SYT1: variants seen among roughly 807,000 people sequenced by gnomAD.
The protein encoded by SYT1 is synaptotagmin-1.
Under a neutral mutation model 44.8 loss-of-function variants are expected in SYT1, and 8 were observed. The ratio of observed to expected loss-of-function variants is 0.18; its 90% CI spans 0.10 to 0.32. The LOEUF (loss-of-function observed/expected upper bound fraction) is 0.32. SYT1 is among the 10% of genes least tolerant of loss of function. The pLI is 1.00. For missense variants in SYT1, 286 were observed against 509.3 expected (o/e 0.56, Z 4.22); for synonymous variants, 154 against 188.8 (o/e 0.82, Z 1.51).
At chr12:79,247,652 A>G (rs1355188917) in intron 4 of SYT1, among the ~76,000 whole-genome samples, 1 of 152,214 alleles carries the variant, frequency 6.6e-6, no homozygotes, top group Non-Finnish European at 1.5e-5. Context: ...ACATTTAATG[A>G]GTGCCTGCTG....
At chr12:79,234,069 C>T (rs1592880108) in intron 4 of SYT1, among the ~76,000 whole-genome samples, 1 of 152,198 alleles carries the variant, frequency 6.6e-6, no homozygotes, top group Admixed American at 6.6e-5. Flanking sequence ...ACTCAATTCT[C>T]TAATTCTCTT....
chr12:79,228,462 T>A (rs1027969289), intron 4 of SYT1, among the ~76,000 whole-genome samples: 2 of 152,176 alleles, frequency 1.3e-5, no homozygotes, highest in African/African-American at 4.8e-5. Context: ...ATTATCACTA[T>A]TGGCCTTCAT....
intron 1 of SYT1, among the ~76,000 whole-genome samples, chr12:78,941,922 A>G (rs988034188): frequency 6.6e-6 from 1 of 152,218 alleles, no homozygotes; most frequent in South Asian, 2.1e-4. Context: ...TTCAAGGACC[A>G]TCACTTTCCT....
intron 9 of SYT1, among the ~76,000 whole-genome samples, chr12:79,358,715 G>A (rs1883205429): frequency 6.6e-6 from 1 of 152,126 alleles, no homozygotes; most frequent in Non-Finnish European, 1.5e-5. Context: ...CAAGATGGGA[G>A]AGCAAGGATT....
intron 1 of SYT1, among the ~76,000 whole-genome samples, chr12:78,935,871 T>C (rs1025339827): frequency 6.6e-6 from 1 of 152,150 alleles, no homozygotes; most frequent in Non-Finnish European, 1.5e-5. Context: ...TACTTATCTG[T>C]AGCCACCTAA....
rs1236510265 is a variant in SYT1 at position 79,039,625 on chromosome 12, TA to T, written c.-83-7671del. On this transcript the variant is annotated intron_variant, in intron 2 of 10. Transcript: ENST00000261205. ...TATTTTTTATTTATTTTTATTTTTTTATTTTTTTTATTATACTTTAAGTTTT... is the reference window on the plus strand; with the variant it reads ...TATTTTTTATTTATTTTTATTTTTTTTTTTTTTTATTATACTTTAAGTTTT... Among the ~76,000 whole-genome samples, 32 of 151,654 alleles carry T rather than the reference TA, an allele frequency of 2.1e-4. 1 individual carries two copies. Among genetic ancestry groups the T allele is most frequent in the South Asian group, 4.1e-4 (2 of 4,822 alleles).
At chr12:79,341,175 G>GATC (rs1361036567) in intron 8 of SYT1, 1 of 152,106 alleles carries the variant, frequency 6.6e-6, no homozygotes, top group East Asian at 1.9e-4. Context: ...TTTTTAAGTG[G>GATC]ATCACTAATT....
intron 9 of SYT1, among the ~76,000 whole-genome samples, chr12:79,370,042 T>A (rs552601451): frequency 6.6e-6 from 1 of 152,338 alleles, no homozygotes; most frequent in East Asian, 1.9e-4. Flanking sequence ...TCAAAATGAT[T>A]TAATCTTAAA....
chr12:78,870,254 G>T (rs959476567), intron 1 of SYT1, among the ~76,000 whole-genome samples: 1 of 152,040 alleles, frequency 6.6e-6, no homozygotes, highest in Non-Finnish European at 1.5e-5. Flanking sequence ...ATTTAGCTAA[G>T]TGCCTCAGTT....
intron 9 of SYT1, among the ~76,000 whole-genome samples, chr12:79,421,688 C>G (rs1869126841): frequency 6.7e-6 from 1 of 149,920 alleles, no homozygotes; most frequent in African/African-American, 2.5e-5. Flanking sequence ...CAATGTGACA[C>G]TTTTTTTGTT....
At chr12:78,996,492 C>T (rs190423941) in intron 2 of SYT1, among the ~76,000 whole-genome samples, 45 of 152,210 alleles carry the variant, frequency 3.0e-4, no homozygotes, top group Middle Eastern at 6.8e-3. Context: ...TTGTTAAAGC[C>T]GTGGGGAAGA....
chr12:79,081,782 A>T (rs558984985), intron 3 of SYT1, among the ~76,000 whole-genome samples: 36 of 152,158 alleles, frequency 2.4e-4, no homozygotes, highest in African/African-American at 8.7e-4. Flanking sequence ...TATCAAATTT[A>T]AAATTAACAA....
intron 2 of SYT1, among the ~76,000 whole-genome samples, chr12:79,007,915 G>T (rs760046002): frequency 6.6e-6 from 1 of 152,056 alleles, no homozygotes; most frequent in Non-Finnish European, 1.5e-5. Context: ...AACTACAAAT[G>T]CTTTCTAAGT....
intron 8 of SYT1, among the ~76,000 whole-genome samples, chr12:79,331,278 A>G (rs1177995237): frequency 6.6e-6 from 1 of 152,144 alleles, no homozygotes; most frequent in African/African-American, 2.4e-5. Flanking sequence ...CCCACAACAT[A>G]AACCTACAAG....
At chr12:78,981,127 T>G (rs900618323) in intron 2 of SYT1, among the ~76,000 whole-genome samples, 1 of 124,050 alleles carries the variant, frequency 8.1e-6, no homozygotes, top group African/African-American at 5.0e-5. Flanking sequence ...GTTTCTTTGT[T>G]TTTTTTTTTT....
At chr12:79,232,609 T>TAACC (rs1222285927) in intron 4 of SYT1, among the ~76,000 whole-genome samples, 1 of 152,212 alleles carries the variant, frequency 6.6e-6, no homozygotes, top group Non-Finnish European at 1.5e-5. Context: ...ACCAACTTCC[T>TAACC]AACCCACTAT....
intron 8 of SYT1, among the ~76,000 whole-genome samples, chr12:79,331,797 A>G (rs1881867683): frequency 6.6e-6 from 1 of 151,916 alleles, no homozygotes; most frequent in South Asian, 2.1e-4. Context: ...CCAATAGGAT[A>G]TCATATAATA....
chr12:79,448,354 C>T (rs555801116), intron 10 of SYT1, among the ~76,000 whole-genome samples: 2 of 152,286 alleles, frequency 1.3e-5, no homozygotes, highest in South Asian at 4.1e-4. Context: ...GTTTTATGCT[C>T]ACAATCATAT....
intron 9 of SYT1, among the ~76,000 whole-genome samples, chr12:79,360,054 T>C (rs1411260543): frequency 2.6e-5 from 4 of 152,176 alleles, no homozygotes; most frequent in African/African-American, 7.2e-5. Context: ...GAAATTGCCT[T>C]TTAAACAGGT....
Sources: gnomAD v4.1 joint callset for allele counts (sites outside exome capture counted in the v4.1 genomes callset) on GRCh38, gnomAD v4.1.1 for gene constraint, MANE v1.5 for transcripts, NCBI Gene and HGNC (gene_info 2026-07-23, HGNC 2026-07-21) for gene names.